PTPRD: variants seen among roughly 807,000 people sequenced by gnomAD.
The protein encoded by PTPRD is receptor-type tyrosine-protein phosphatase delta.
A neutral mutation model predicts 214.5 loss-of-function variants in PTPRD; 34 were observed. The ratio of observed to expected loss-of-function variants is 0.16; its 90% CI spans 0.12 to 0.21. The LOEUF (loss-of-function observed/expected upper bound fraction) is 0.21, where lower values mean the gene tolerates loss of function less well. PTPRD is among the 10% of genes least tolerant of loss of function. The probability of loss-of-function intolerance (pLI) is 1.00; values close to 1 mark genes in which losing one functional copy is unlikely to be tolerated. For missense variants in PTPRD, 2,545 were observed against 2,398.7 expected, an observed-to-expected ratio of 1.06 and a Z score of -1.27; for synonymous variants, 1,128 against 845.7, an observed-to-expected ratio of 1.33 and a Z score of -5.79.
chr9:10,224,767 G>A (rs1025374910), intron 3 of PTPRD, among the ~76,000 whole-genome samples: 68 of 151,430 alleles, frequency 4.5e-4, no homozygotes, highest in Non-Finnish European at 1.6e-4. Context: ...TTCCTCCTCC[G>A]CCTTAGCCAA....
chr9:9,143,593 A>G (rs2099863764), intron 10 of PTPRD, among the ~76,000 whole-genome samples: 1 of 152,230 alleles, frequency 6.6e-6, no homozygotes, highest in African/African-American at 2.4e-5. Flanking sequence ...TGGCATAATT[A>G]ACAGTCACAG....
At chr9:9,712,819 T>C (rs1595826382) in intron 7 of PTPRD, among the ~76,000 whole-genome samples, 1 of 152,202 alleles carries the variant, frequency 6.6e-6, no homozygotes, top group African/African-American at 2.4e-5. Context: ...TTATCTAGCA[T>C]AGCTTTCAAA....
chr9:8,773,278 T>G (rs900414762), intron 11 of PTPRD, among the ~76,000 whole-genome samples: 11 of 152,194 alleles, frequency 7.2e-5, no homozygotes, highest in Non-Finnish European at 2.9e-5. Context: ...TATAGCTATC[T>G]GTCCTGGTAC....
chr9:9,471,082 T>C (rs752627252), intron 8 of PTPRD, among the ~76,000 whole-genome samples: 26 of 152,208 alleles, frequency 1.7e-4, no homozygotes, highest in Non-Finnish European at 2.6e-4. Context: ...ATCTGTAAAA[T>C]GTAAAGCATT....
chr9:9,058,751 G>C (rs1000930010), intron 10 of PTPRD, among the ~76,000 whole-genome samples: 1 of 151,986 alleles, frequency 6.6e-6, no homozygotes, highest in Non-Finnish European at 1.5e-5. Flanking sequence ...GCCCGGCCGA[G>C]GGTTTTTTTT....
At chr9:9,353,977 C>T (rs1396623920) in intron 9 of PTPRD, among the ~76,000 whole-genome samples, 49 of 151,518 alleles carry the variant, frequency 3.2e-4, no homozygotes, top group Admixed American at 3.2e-3. Flanking sequence ...GGAATGACTG[C>T]GGTCACTCTT....
chr9:10,412,426 C>A (rs2098445388), intron 2 of PTPRD, among the ~76,000 whole-genome samples: 1 of 151,544 alleles, frequency 6.6e-6, no homozygotes, highest in South Asian at 2.1e-4. Context: ...TAATAAGTAG[C>A]CTGCCAACCA....
At chr9:8,569,143 A>C (rs903982651) in intron 14 of PTPRD, among the ~76,000 whole-genome samples, 2 of 152,098 alleles carry the variant, frequency 1.3e-5, no homozygotes, top group African/African-American at 4.8e-5. Context: ...TAACCCACGT[A>C]GGTGAAACTC....
At chr9:9,446,582 C>T (rs910513271) in intron 8 of PTPRD, among the ~76,000 whole-genome samples, 1 of 152,064 alleles carries the variant, frequency 6.6e-6, no homozygotes, top group Admixed American at 6.6e-5. Flanking sequence ...ATTGAGGGCA[C>T]ATTATTGAGC....
chr9:8,819,388 C>T (rs1417771650), intron 11 of PTPRD, among the ~76,000 whole-genome samples: 3 of 151,986 alleles, frequency 2.0e-5, no homozygotes, highest in African/African-American at 7.2e-5. Context: ...TGGGGCCCAG[C>T]ACAGTGGCTC....
intron 2 of PTPRD, among the ~76,000 whole-genome samples, chr9:10,580,822 A>T (rs1398773410): frequency 6.6e-6 from 1 of 152,212 alleles, no homozygotes; most frequent in African/African-American, 2.4e-5. Flanking sequence ...TTTTTATTTC[A>T]CCATATCCTT....
At chr9:9,459,764 A>G (rs1275166389) in intron 8 of PTPRD, among the ~76,000 whole-genome samples, 3 of 152,122 alleles carry the variant, frequency 2.0e-5, no homozygotes, top group Admixed American at 6.6e-5. Flanking sequence ...AAATGACCCT[A>G]CTTTCTTAAG....
chr9:9,134,531 G>C (rs1302410464), intron 10 of PTPRD, among the ~76,000 whole-genome samples: 1 of 152,098 alleles, frequency 6.6e-6, no homozygotes, highest in Non-Finnish European at 1.5e-5. Flanking sequence ...TAGCCAAATT[G>C]ATAGTTTTAA....
intron 12 of PTPRD, among the ~76,000 whole-genome samples, chr9:8,684,107 C>T (rs185643544): frequency 6.6e-6 from 1 of 152,232 alleles, no homozygotes. Flanking sequence ...ATCTCTGCTG[C>T]GCCCTATCTG....
intron 4 of PTPRD, among the ~76,000 whole-genome samples, chr9:9,944,282 A>G (rs1603244405): frequency 6.6e-6 from 1 of 152,146 alleles, no homozygotes; most frequent in Admixed American, 6.6e-5. Context: ...GTCTCAGTCC[A>G]CCTATTTGAG....
chr9:9,831,626 C>A (rs1279038993), intron 5 of PTPRD, among the ~76,000 whole-genome samples: 1 of 151,964 alleles, frequency 6.6e-6, no homozygotes, highest in African/African-American at 2.4e-5. Flanking sequence ...TAACCAACTA[C>A]CTCTCAATGT....
At chr9:10,206,810 A>G (rs2099484944) in intron 3 of PTPRD, among the ~76,000 whole-genome samples, 1 of 152,182 alleles carries the variant, frequency 6.6e-6, no homozygotes, top group Non-Finnish European at 1.5e-5. Context: ...TAGTAGCTAC[A>G]TAGATTTTGA....
intron 35 of PTPRD, among the ~76,000 whole-genome samples, chr9:8,435,315 G>T (rs905575001): frequency 6.6e-6 from 1 of 152,066 alleles, no homozygotes; most frequent in Non-Finnish European, 1.5e-5. Flanking sequence ...CTTGAGGTTG[G>T]GGGTCCTCTT....
At chr9:10,165,115 C>T (rs188847046) in intron 3 of PTPRD, among the ~76,000 whole-genome samples, 1 of 151,768 alleles carries the variant, frequency 6.6e-6, no homozygotes, top group Admixed American at 6.6e-5. Flanking sequence ...AACAAAAGCA[C>T]AGTTCAGCAA....
Sources: allele counts gnomAD v4.1 joint callset (sites outside exome capture counted in the v4.1 genomes callset), GRCh38; gene constraint gnomAD v4.1.1; transcripts MANE v1.5; gene names NCBI Gene and HGNC (gene_info 2026-07-23, HGNC 2026-07-21).